ROS1: variants seen among roughly 807,000 people sequenced by gnomAD.
ROS1 encodes ROS proto-oncogene 1, receptor tyrosine kinase.
ROS1 carries 263 observed loss-of-function variants against 273.5 expected under a neutral mutation model. That is an observed-to-expected ratio of 0.96 (90% CI 0.87 to 1.06). The LOEUF is 1.06. Among genes scored for constraint, ROS1 ranks in the 50% least tolerant of loss-of-function variants. The pLI, the probability that ROS1 is intolerant of heterozygous loss-of-function variation, is 0.00. For missense variants in ROS1, 2,833 were observed against 2,751.1 expected (o/e 1.03, Z -0.67); for synonymous variants, 1,008 against 954.1 (o/e 1.06, Z -1.04).
At chr6:117,332,383 C>T (rs1264722615) in intron 32 of ROS1, among the ~76,000 whole-genome samples, 10 of 152,138 alleles carry the variant, frequency 6.6e-5, no homozygotes, top group Admixed American at 1.3e-4. Context: ...TAGACTGCCA[C>T]GCAATAGTAG....
At chr6:117,406,281 C>A (rs575129310) in intron 5 of ROS1, among the ~76,000 whole-genome samples, 28 of 150,128 alleles carry the variant, frequency 1.9e-4, no homozygotes, top group African/African-American at 6.8e-4. Flanking sequence ...TAGCTATTAC[C>A]ATTTTCCATC....
In ROS1 at chr6:117,310,295, T is replaced by C; in HGVS notation, c.6216-14A>G. ...GCTGCCAGATCCCTGTGGCAGAAGTTATATTTAATAATAATAATAATAACA... is the reference window on the plus strand; with the variant it reads ...GCTGCCAGATCCCTGTGGCAGAAGTCATATTTAATAATAATAATAATAACA... On this transcript the variant is annotated splice_polypyrimidine_tract_variant and intron_variant, in intron 40 of 43. Transcript: ENST00000368507. 3 of 1,521,176 alleles carry C rather than the reference T, an allele frequency of 2.0e-6. No homozygotes were observed. The Admixed American group carries it at 5.7e-5, about 29-fold the overall frequency. 94.2% of individuals were successfully genotyped at this position (1,521,176 alleles called of 1,614,324 possible).
intron 42 of ROS1, among the ~76,000 whole-genome samples, chr6:117,306,871 A>G (rs116410645): frequency 1.5e-3 from 228 of 151,702 alleles, no homozygotes; most frequent in African/African-American, 5.2e-3. Context: ...CGGATCTTTA[A>G]CCCTTCCCAG....
rs769916830 is a variant in ROS1 at position 117,341,122 on chromosome 6, A to T, written c.5061+13T>A. On this transcript the variant is annotated intron_variant, in intron 31 of 43. Coordinates refer to ENST00000368507, the MANE Select transcript of ROS1 (RefSeq NM_001378902.1). ...TCTATATCATAAAATAAAGACTTGC[A>T]TTAAAAGTCTACCTTCTGTAGCTCA... is the stretch of plus-strand genomic sequence containing the variant. 6 of 1,571,648 alleles carry T rather than the reference A, an allele frequency of 3.8e-6. No homozygotes were observed. Among genetic ancestry groups the T allele is most frequent in the Non-Finnish European group, 5.2e-6 (6 of 1,154,552 alleles).
intron 27 of ROS1, among the ~76,000 whole-genome samples, chr6:117,352,462 A>G (rs1033278582): frequency 1.3e-5 from 2 of 152,038 alleles, no homozygotes; most frequent in African/African-American, 2.4e-5. Context: ...TTCATCAGTG[A>G]CATTTTTTTT....
intron 27 of ROS1, among the ~76,000 whole-genome samples, chr6:117,346,924 T>A (rs1423535130): frequency 6.6e-6 from 1 of 152,160 alleles, no homozygotes; most frequent in Non-Finnish European, 1.5e-5. Flanking sequence ...CCCAGCCTTC[T>A]CGCAACTAGT....
rs149313880 is a variant in ROS1, at chr6:117,383,486, G to A, written c.2312C>T (p.Thr771Met). The change falls in exon 17 of 44, where the codon ACG (threonine) becomes ATG (methionine). Residue 771 changes from threonine to methionine, a missense_variant. Transcript: ENST00000368507. ...TYVIQRQSVL[T>M]GHTDIVTHVK... ...GTGGGTAACAATGTCTGTGTGTCCC[G>A]TCAACACAGACTGCCTTTGTATCTA... 4.4e-5 allele frequency: 71 copies of A among 1,613,786 alleles called. No individual in the cohort carries two copies. Among genetic ancestry groups the A allele is most frequent in the Admixed American group, 1.2e-4 (7 of 60,010 alleles).
intron 22 of ROS1, among the ~76,000 whole-genome samples, chr6:117,362,094 T>C (rs1779848667): frequency 6.6e-6 from 1 of 152,090 alleles, no homozygotes; most frequent in Non-Finnish European, 1.5e-5. Context: ...GAAATTAAAA[T>C]CATGATACAG....
intron 7 of ROS1, 69 bp downstream of exon 7, chr6:117,403,070 A>T (rs924791997): frequency 1.3e-6 from 2 of 1,537,190 alleles, no homozygotes; most frequent in African/African-American, 2.7e-5. Context: ...TTCATTGTTT[A>T]AAATAAAAAC....
chr6:117,411,826 C>T (rs568804216), intron 4 of ROS1, among the ~76,000 whole-genome samples: 1 of 152,304 alleles, frequency 6.6e-6, no homozygotes, highest in Admixed American at 6.5e-5. Flanking sequence ...GTTAAACTCC[C>T]TGCCTTACAG....
rs776944811 is a variant in ROS1, at chr6:117,341,411, A to G, written c.4873T>C (p.Tyr1625His). 1.9e-6 allele frequency: 3 copies of G among 1,613,338 alleles called. No homozygotes were observed. Among genetic ancestry groups the G allele is most frequent in the Non-Finnish European group, 2.5e-6 (3 of 1,179,450 alleles). ...TAAACTCACTGTACCTTTAACACAT[A>G]AATATTTCCACCAGACAGTCTAGTA... is the stretch of plus-strand genomic sequence containing the variant. ...LVTRLSGGNI[Y>H]VLKVLACHSE... Residue 1625 changes from tyrosine to histidine, a missense_variant, in exon 30 of 44, where the codon TAT becomes CAT. Physicochemically the swap from Tyr to His is moderately conservative, Grantham distance 83. Transcript: ENST00000368507.
At chr6:117,375,373 T>G (rs1044883157) in intron 18 of ROS1, among the ~76,000 whole-genome samples, 1 of 152,060 alleles carries the variant, frequency 6.6e-6, no homozygotes, top group Non-Finnish European at 1.5e-5. Context: ...TACCAAAATT[T>G]CAGAATTCAC....
chr6:117,288,627 C>A lies in ROS1; in HGVS notation c.6891G>T (p.Arg2297Ser). The stretch of plus-strand genomic sequence containing the variant: ...CTGCATGTGGTTCCTTCTCTTCTTT[C>A]CTCAGACCACAAGATTCAGATTCCT... The part of the protein sequence containing the change: ...GSQESESCGL[R>S]KEEKEPHADK... The change falls in exon 44 of 44, where the codon AGG (arginine) becomes AGT (serine). Residue 2297 changes from arginine to serine, a missense_variant. Arg to Ser is a moderately radical substitution (Grantham distance 110). Coordinates refer to ENST00000368507, the MANE Select transcript of ROS1 (RefSeq NM_001378902.1). 6.2e-7 allele frequency: 1 copy of A among 1,614,138 alleles called. No homozygotes were observed. The highest frequency in any genetic ancestry group is 8.5e-7 in the Non-Finnish European group (1 of 1,180,020).
chr6:117,354,847 AG>A (rs1435904049), intron 26 of ROS1, among the ~76,000 whole-genome samples: 7 of 152,350 alleles, frequency 4.6e-5, no homozygotes, highest in African/African-American at 1.7e-4. Context: ...ATAGCGCACT[AG>A]GAAAGACAAA....
intron 17 of ROS1, 65 bp from the exon 18 acceptor site, chr6:117,379,224 G>T: frequency 3.2e-6 from 3 of 941,694 alleles, no homozygotes; most frequent in Non-Finnish European, 5.1e-6. Flanking sequence ...TTGTGAACAG[G>T]TCACACTTAA....
intron 27 of ROS1, among the ~76,000 whole-genome samples, chr6:117,349,606 G>A (rs1038367097): frequency 1.3e-5 from 2 of 151,826 alleles, no homozygotes; most frequent in African/African-American, 4.8e-5. Flanking sequence ...TACCATATTT[G>A]TTATTATTTT....
intron 5 of ROS1, among the ~76,000 whole-genome samples, chr6:117,406,258 T>C (rs1157253365): frequency 1.3e-5 from 2 of 152,158 alleles, no homozygotes; most frequent in Non-Finnish European, 2.9e-5. Flanking sequence ...TAGCTATTTA[T>C]TTAATATGTT....
At chr6:117,387,055 G>A (rs1772641678) in intron 14 of ROS1, 56 bp from the exon 15 acceptor site, 1 of 942,100 alleles carries the variant, frequency 1.1e-6, no homozygotes, top group Non-Finnish European at 1.7e-6. Context: ...CTCTTTAAAG[G>A]TATCTTATAT....
intron 27 of ROS1, among the ~76,000 whole-genome samples, chr6:117,348,147 A>G (rs1265049160): frequency 6.6e-6 from 1 of 152,016 alleles, no homozygotes; most frequent in Non-Finnish European, 1.5e-5. Flanking sequence ...TCTGAAAGAC[A>G]TTGTAGAGAT....
Sources: gnomAD v4.1 joint callset for allele counts (sites outside exome capture counted in the v4.1 genomes callset) on GRCh38, gnomAD v4.1.1 for gene constraint, MANE v1.5 for transcripts, NCBI Gene and HGNC (gene_info 2026-07-23, HGNC 2026-07-21) for gene names.